IARS1: variants seen among roughly 807,000 people sequenced by gnomAD.
IARS1 encodes the protein isoleucine--tRNA ligase, cytoplasmic.
Under a neutral mutation model 168.2 loss-of-function variants are expected in IARS1, and 124 were observed. The observed-to-expected ratio is 0.74, with a 90% CI of 0.64 to 0.86. The LOEUF is 0.86. Ranked by LOEUF, IARS1 falls within the 40% of genes least tolerant of loss-of-function variation. The pLI, the probability that IARS1 is intolerant of heterozygous loss-of-function variation, is 0.00. For synonymous variants in IARS1, 532 were observed against 529.4 expected, an observed-to-expected ratio of 1.00 and a Z score of -0.07; for missense variants, 1,452 against 1,515.8, an observed-to-expected ratio of 0.96 and a Z score of 0.70.
chr9:92,263,793 T>G (rs528088399), intron 16 of IARS1, among the ~76,000 whole-genome samples: 1 of 152,338 alleles, frequency 6.6e-6, no homozygotes, highest in South Asian at 2.1e-4. Context: ...ACATGAGGAC[T>G]GTTACCAGCT....
intron 2 of IARS1, 33 bp downstream of exon 2, chr9:92,289,268 C>A: frequency 4.1e-6 from 3 of 729,902 alleles, no homozygotes; most frequent in Middle Eastern, 4.1e-4. Flanking sequence ...AATGACTATT[C>A]TTAAGGGAAC....
Position 92,245,050 on chromosome 9 carries a change from T to C in IARS1, c.2813A>G (p.His938Arg), listed in dbSNP as rs1283235471. 1.2e-6 allele frequency: 2 copies of C among 1,614,066 alleles called. No homozygotes were observed. The highest frequency in any genetic ancestry group is 1.3e-5 in the African/African-American group (1 of 74,926). ...GCGGATGTCTTCATCGTGCAATTCA[T>C]GGCCTTCCACAACAATGGTCCCTAT... Reference protein sequence around the residue: ...QKTGTIVVEGHELHDEDIRLM... With the variant: ...QKTGTIVVEGRELHDEDIRLM... Residue 938 changes from histidine to arginine, a missense_variant, in exon 27 of 34, where the codon CAT (histidine) becomes CGT (arginine). By Grantham distance (29) the His-to-Arg change is conservative. Transcript: ENST00000443024.
chr9:92,278,409 G>A, intron 7 of IARS1, 123 bp from the exon 8 acceptor site: 2 of 694,278 alleles, frequency 2.9e-6, no homozygotes, highest in Non-Finnish European at 5.2e-6. Flanking sequence ...ACTGTACCCA[G>A]TACTCACAGA....
chr9:92,216,962 G>C (rs1038051487), intron 33 of IARS1, among the ~76,000 whole-genome samples: 10 of 151,422 alleles, frequency 6.6e-5, no homozygotes, highest in African/African-American at 2.4e-4. Context: ...CAAATTAACA[G>C]AATATACATT....
intron 33 of IARS1, among the ~76,000 whole-genome samples, chr9:92,221,725 T>C (rs989714743): frequency 2.6e-5 from 4 of 152,190 alleles, no homozygotes; most frequent in African/African-American, 9.7e-5. Flanking sequence ...TTCTATTTTC[T>C]AGATAATAGA....
rs750704402 is a variant in IARS1, at chr9:92,256,772, T to C, written c.2045A>G (p.Glu682Gly). The change falls in exon 20 of 34, where the codon GAG (glutamate) becomes GGG (glycine). Residue 682 changes from glutamate to glycine, a missense_variant. Glu to Gly is a moderately conservative substitution (Grantham distance 98). Transcript: ENST00000443024. ...KEEEIEFLYNENTVRESPNIT... is the reference protein window; with the variant it reads ...KEEEIEFLYNGNTVRESPNIT... ...GTTGGGGCTTTCTCTAACCGTGTTC[T>C]CATTGTAGAGAAATTCTATTTCTTC... 1 of 1,613,508 alleles carries C rather than the reference T, an allele frequency of 6.2e-7. No individual in the cohort carries two copies. The highest frequency in any genetic ancestry group is 8.5e-7 in the Non-Finnish European group (1 of 1,179,508).
chr9:92,233,924 C>T lies in IARS1; in HGVS notation c.3284-4798G>A, dbSNP rs570934528. Among the ~76,000 whole-genome samples the T allele has an allele frequency of 7.9e-5, 12 of 152,092 alleles. No individual in the cohort carries two copies. In the South Asian group the frequency reaches 2.5e-3, roughly 32 times the overall value. The stretch of plus-strand genomic sequence containing the variant: ...CTAAAGGCGAACACCACCACACTTG[C>T]CTAGTTTTTTATTTCTTGTAGAGAC... On this transcript the variant is annotated intron_variant, in intron 30 of 33. Transcript: ENST00000443024.
intron 33 of IARS1, among the ~76,000 whole-genome samples, chr9:92,217,030 T>A (rs1244441509): frequency 5.4e-5 from 8 of 148,016 alleles, no homozygotes; most frequent in Admixed American, 2.0e-4. Flanking sequence ...GAAGTAAAGC[T>A]CTCCTCAGCA....
chr9:92,237,936 C>T (rs571220438), intron 30 of IARS1, among the ~76,000 whole-genome samples: 4 of 152,194 alleles, frequency 2.6e-5, no homozygotes, highest in South Asian at 2.1e-4. Flanking sequence ...GACAGAGTCT[C>T]GCTCTGTCAC....
At chr9:92,280,613 A>T (rs1435927535) in intron 7 of IARS1, 133 bp downstream of exon 7, 1 of 511,744 alleles carries the variant, frequency 2.0e-6, no homozygotes, top group Non-Finnish European at 3.3e-6. Flanking sequence ...GTTTAAAGTT[A>T]TTTTTCTAAT....
At chr9:92,255,081 T>TC (rs1200327516) in intron 20 of IARS1, among the ~76,000 whole-genome samples, 1 of 152,042 alleles carries the variant, frequency 6.6e-6, no homozygotes, top group Non-Finnish European at 1.5e-5. Flanking sequence ...TGTGCTGGGC[T>TC]CCCAGTGCTG....
intron 7 of IARS1, among the ~76,000 whole-genome samples, chr9:92,278,626 AC>A (rs1564185660): frequency 2.0e-5 from 3 of 151,922 alleles, no homozygotes. Context: ...GCCACATATC[AC>A]CCCCTCTCAG....
chr9:92,269,660 A>G (rs1832753103), intron 13 of IARS1, among the ~76,000 whole-genome samples: 1 of 152,244 alleles, frequency 6.6e-6, no homozygotes, highest in African/African-American at 2.4e-5. Flanking sequence ...AATGAGTTTA[A>G]AAAGAAAAAT....
chr9:92,226,457 T>G lies in IARS1; in HGVS notation c.3409+2544A>C, dbSNP rs75292728. ...TAGTTGGCCATTTGCATTTCTTCTT[T>G]TAAGTTATTTAAAAGTTTCTGAAAA... On this transcript the variant is annotated intron_variant, in intron 31 of 33. Coordinates refer to ENST00000443024, the MANE Select transcript of IARS1 (RefSeq NM_002161.6). Among the ~76,000 whole-genome samples the G allele has an allele frequency of 8.0e-3, 1,225 of 152,328 alleles. 13 individuals are homozygous for G. The highest frequency in any genetic ancestry group is 0.028 in the African/African-American group (1,173 of 41,572).
intron 33 of IARS1, among the ~76,000 whole-genome samples, chr9:92,222,028 A>G (rs973750186): frequency 6.6e-6 from 1 of 152,202 alleles, no homozygotes; most frequent in Admixed American, 6.5e-5. Context: ...TTAAAAAATT[A>G]TATTATTGAC....
At chr9:92,211,355 C>CTG (rs375387311) in intron 33 of IARS1, among the ~76,000 whole-genome samples, 120 of 148,450 alleles carry the variant, frequency 8.1e-4, no homozygotes, top group African/African-American at 2.8e-3. Context: ...CAGGGTCTCT[C>CTG]TCTCTCTCTC....
intron 1 of IARS1, 57 bp from the exon 2 acceptor site, chr9:92,289,483 A>C (rs535794244): frequency 3.8e-6 from 3 of 792,168 alleles, no homozygotes; most frequent in Admixed American, 1.9e-5. Flanking sequence ...ATAACAGAGT[A>C]CCATATTATT....
chr9:92,277,379 C>T (rs796289970), intron 9 of IARS1, among the ~76,000 whole-genome samples: 7 of 151,750 alleles, frequency 4.6e-5, no homozygotes, highest in African/African-American at 1.7e-4. Flanking sequence ...CAGCCAAGAT[C>T]GCGCTATTGC....
chr9:92,252,282 GT>G, intron 21 of IARS1: 1 of 448,874 alleles, frequency 2.2e-6, no homozygotes, highest in Non-Finnish European at 4.4e-6. Flanking sequence ...TATATAATGT[GT>G]ATTAAAAAAA....
Sources: allele counts gnomAD v4.1 joint callset (sites outside exome capture counted in the v4.1 genomes callset), GRCh38; gene constraint gnomAD v4.1.1; transcripts MANE v1.5; gene names NCBI Gene and HGNC (gene_info 2026-07-23, HGNC 2026-07-21).